The following SUPT3H variants were observed in gnomAD, a reference collection of about 807,000 sequenced individuals.
SUPT3H encodes SPT3 homolog, SAGA and STAGA complex component.
In SUPT3H, 44 loss-of-function variants were observed where a neutral mutation model predicts 44.3. The ratio of observed to expected loss-of-function variants is 0.99; its 90% CI spans 0.78 to 1.28. The LOEUF (loss-of-function observed/expected upper bound fraction) is 1.28. Among genes scored for constraint, SUPT3H ranks in the 50% most tolerant of loss-of-function variants. SUPT3H has a pLI of 0.00. For missense variants in SUPT3H, 380 were observed against 387.1 expected, an observed-to-expected ratio of 0.98 and a Z score of 0.15; for synonymous variants, 124 against 125.6, an observed-to-expected ratio of 0.99 and a Z score of 0.09.
intron 5 of SUPT3H, among the ~76,000 whole-genome samples, chr6:45,012,374 T>A (rs76563016): frequency 6.6e-6 from 1 of 152,110 alleles, no homozygotes; most frequent in East Asian, 1.9e-4. Context: ...TTTCTTCAGA[T>A]TGTAAACTCT....
At chr6:45,114,538 T>G (rs1800557640) in intron 2 of SUPT3H, among the ~76,000 whole-genome samples, 1 of 152,092 alleles carries the variant, frequency 6.6e-6, no homozygotes, top group Admixed American at 6.6e-5. Context: ...AGAAAGCTCA[T>G]CCATAAATAT....
At chr6:44,972,496 A>T (rs926987731) in intron 6 of SUPT3H, among the ~76,000 whole-genome samples, 3 of 152,268 alleles carry the variant, frequency 2.0e-5, no homozygotes, top group African/African-American at 7.2e-5. Context: ...TTTTCCAGGA[A>T]CACAGTGCAA....
At chr6:45,178,977 T>C (rs1235437340) in intron 2 of SUPT3H, among the ~76,000 whole-genome samples, 2 of 151,856 alleles carry the variant, frequency 1.3e-5, no homozygotes, top group East Asian at 1.9e-4. Context: ...AGATCCAAAA[T>C]TGACACCCTA....
intron 2 of SUPT3H, among the ~76,000 whole-genome samples, chr6:45,230,686 A>ATATATATTTTTTT (rs796866510): frequency 2.8e-4 from 33 of 116,824 alleles, no homozygotes; most frequent in African/African-American, 1.0e-3. Flanking sequence ...ATATATATAT[A>ATATATATTTTTTT]TTTTTGAGAT....
chr6:45,112,401 T>A (rs1174667280), intron 2 of SUPT3H, among the ~76,000 whole-genome samples: 1 of 152,068 alleles, frequency 6.6e-6, no homozygotes, highest in Non-Finnish European at 1.5e-5. Flanking sequence ...CATTGTTCCT[T>A]AAATTTAAAA....
At position 45,155,062 on chromosome 6, in the gene SUPT3H, T is replaced by C. The variant is rs1237097366; in HGVS notation, c.102-49056A>G. Among the ~76,000 whole-genome samples, 10 of 152,256 alleles carry C rather than the reference T, an allele frequency of 6.6e-5. No individual in the cohort carries two copies. In the East Asian group the frequency reaches 7.7e-4, roughly 12 times the overall value. On this transcript the variant is annotated intron_variant, in intron 2 of 10. Coordinates refer to ENST00000371459, the MANE Select transcript of SUPT3H (RefSeq NM_003599.4). ...GAAAAAAATGGCACAACAAAATTAGTGTGAAACAAAAAATGCATCTTACTG... is the reference window on the plus strand; with the variant it reads ...GAAAAAAATGGCACAACAAAATTAGCGTGAAACAAAAAATGCATCTTACTG...
At chr6:45,226,161 T>A (rs1766900977) in intron 2 of SUPT3H, among the ~76,000 whole-genome samples, 4 of 152,148 alleles carry the variant, frequency 2.6e-5, no homozygotes, top group Non-Finnish European at 5.9e-5. Context: ...AGCAGATATA[T>A]GAAGTCCAGG....
intron 2 of SUPT3H, among the ~76,000 whole-genome samples, chr6:45,291,404 C>A (rs1220306016): frequency 6.6e-6 from 1 of 152,102 alleles, no homozygotes; most frequent in Non-Finnish European, 1.5e-5. Flanking sequence ...TAACACCCCC[C>A]AAAATCACAC....
In SUPT3H at chr6:45,306,232, A is replaced by G. The variant is rs199838380; in HGVS notation, c.101+58969T>C. ...TATTTCAAGCAAGTCCACAAGCCAT[A>G]CCCAGTACCAAAACGAATCCATGCT... On this transcript the variant is annotated intron_variant, in intron 2 of 10. Transcript: ENST00000371459. 3.5e-4 allele frequency among the ~76,000 whole-genome samples: 53 copies of G among 152,326 alleles called. 1 individual carries two copies. The highest frequency in any genetic ancestry group is 9.9e-4 in the African/African-American group (41 of 41,580).
At chr6:45,182,236 T>C (rs1454217982) in intron 2 of SUPT3H, among the ~76,000 whole-genome samples, 2 of 152,134 alleles carry the variant, frequency 1.3e-5, no homozygotes, top group African/African-American at 4.8e-5. Flanking sequence ...AATAGCTCAT[T>C]TGTTTGCCTT....
intron 6 of SUPT3H, among the ~76,000 whole-genome samples, chr6:44,975,790 T>G (rs1417607186): frequency 6.6e-6 from 1 of 152,078 alleles, no homozygotes; most frequent in Non-Finnish European, 1.5e-5. Context: ...ATCAAATTAC[T>G]TCTGATTTTT....
chr6:44,910,994 CAAAAAA>C (rs34384511), intron 10 of SUPT3H, among the ~76,000 whole-genome samples: 3 of 62,696 alleles, frequency 4.8e-5, no homozygotes, highest in Admixed American at 2.7e-4. Flanking sequence ...GACTCCATCT[CAAAAAA>C]AAAAAAAAAA....
At chr6:44,903,680 A>C (rs992830052) in intron 10 of SUPT3H, among the ~76,000 whole-genome samples, 1 of 152,230 alleles carries the variant, frequency 6.6e-6, no homozygotes, top group South Asian at 2.1e-4. Context: ...AACTCATTTT[A>C]TGAGGCCAGC....
intron 6 of SUPT3H, among the ~76,000 whole-genome samples, chr6:44,989,321 T>A (rs1780279125): frequency 6.6e-6 from 1 of 152,166 alleles, no homozygotes; most frequent in African/African-American, 2.4e-5. Flanking sequence ...AATATCCACT[T>A]TTTTGAAGGC....
downstream of SUPT3H, among the ~76,000 whole-genome samples, chr6:44,826,335 T>C (rs187531189): frequency 6.6e-6 from 1 of 152,274 alleles, no homozygotes; most frequent in Admixed American, 6.5e-5. Flanking sequence ...GCATGTAAAG[T>C]TTCATCTTGA....
intron 2 of SUPT3H, among the ~76,000 whole-genome samples, chr6:45,231,311 T>C (rs1768003279): frequency 6.6e-6 from 1 of 152,160 alleles, no homozygotes; most frequent in Non-Finnish European, 1.5e-5. Flanking sequence ...AGCATTTGCT[T>C]GTCTGGAAAA....
chr6:44,972,205 T>C (rs1777677448), intron 6 of SUPT3H, among the ~76,000 whole-genome samples: 1 of 152,166 alleles, frequency 6.6e-6, no homozygotes, highest in African/African-American at 2.4e-5. Flanking sequence ...ACTTCCTAGA[T>C]ACAATGGTGG....
chr6:45,209,785 G>C (rs1398328246), intron 2 of SUPT3H, among the ~76,000 whole-genome samples: 1 of 152,210 alleles, frequency 6.6e-6, no homozygotes, highest in Non-Finnish European at 1.5e-5. Flanking sequence ...TGCTATTAAA[G>C]AGCATCATGT....
intron 2 of SUPT3H, among the ~76,000 whole-genome samples, chr6:45,187,591 G>A (rs1814467044): frequency 6.6e-6 from 1 of 152,144 alleles, no homozygotes; most frequent in East Asian, 1.9e-4. Context: ...ACCTAAGAGA[G>A]AGGAAAAGAC....
Sources: allele counts gnomAD v4.1 joint callset (sites outside exome capture counted in the v4.1 genomes callset), GRCh38; gene constraint gnomAD v4.1.1; transcripts MANE v1.5; gene names NCBI Gene and HGNC (gene_info 2026-07-23, HGNC 2026-07-21).